Variants in MSRA observed in about 807,000 individuals in gnomAD.
The protein encoded by MSRA is mitochondrial peptide methionine sulfoxide reductase.
Under a neutral mutation model 31.3 loss-of-function variants are expected in MSRA, and 54 were observed. That is an observed-to-expected ratio of 1.73 (90% CI 1.39 to 2.17). The LOEUF is 2.17. MSRA is among the 30% of genes most tolerant of loss of function. The pLI is 0.00. For missense variants in MSRA, 507 were observed against 300.9 expected (o/e 1.69, Z -5.07); for synonymous variants, 169 against 116.5 (o/e 1.45, Z -2.90).
chr8:10,365,635 G>C (rs1399876640), intron 5 of MSRA, among the ~76,000 whole-genome samples: 6 of 152,208 alleles, frequency 3.9e-5, no homozygotes, highest in Admixed American at 1.3e-4. Flanking sequence ...ACTACTTATA[G>C]ACTGAGAACA....
intron 1 of MSRA, among the ~76,000 whole-genome samples, chr8:10,121,335 C>T (rs1159530188): frequency 2.0e-5 from 3 of 152,174 alleles, no homozygotes; most frequent in Admixed American, 6.5e-5. Flanking sequence ...TTGTGGGCAG[C>T]ACTGACCGTG....
At chr8:10,125,246 G>T (rs1801414952) in intron 1 of MSRA, among the ~76,000 whole-genome samples, 1 of 152,216 alleles carries the variant, frequency 6.6e-6, no homozygotes, top group African/African-American at 2.4e-5. Flanking sequence ...TGTACTCTCT[G>T]CTTCCTCTGT....
intron 2 of MSRA, among the ~76,000 whole-genome samples, chr8:10,220,489 C>T (rs192813594): frequency 3.3e-5 from 5 of 152,314 alleles, no homozygotes; most frequent in Admixed American, 2.6e-4. Flanking sequence ...CTTCCAGAAC[C>T]AAGCCTACTC....
At chr8:10,125,512 C>A (rs1256412313) in intron 1 of MSRA, among the ~76,000 whole-genome samples, 1 of 152,196 alleles carries the variant, frequency 6.6e-6, no homozygotes, top group Non-Finnish European at 1.5e-5. Flanking sequence ...CTGGCTGCAA[C>A]TGGACGGAAG....
At chr8:10,083,680 G>A (rs1438360826) in intron 1 of MSRA, among the ~76,000 whole-genome samples, 1 of 152,102 alleles carries the variant, frequency 6.6e-6, no homozygotes, top group African/African-American at 2.4e-5. Context: ...TTTATTCAAA[G>A]AGGTTTTTTT....
At chr8:10,199,596 T>G (rs1399843664) in intron 1 of MSRA, among the ~76,000 whole-genome samples, 1 of 152,070 alleles carries the variant, frequency 6.6e-6, no homozygotes, top group African/African-American at 2.4e-5. Context: ...AAAAAGGGCT[T>G]GTGGTTGGGG....
At chr8:10,054,692 G>C (rs766350258) in intron 1 of MSRA, 34 bp downstream of exon 1, 3 of 1,484,296 alleles carry the variant, frequency 2.0e-6, no homozygotes, top group South Asian at 1.3e-5. Flanking sequence ...CGCGGGCGGC[G>C]ACGCTGCGCA....
intron 1 of MSRA, among the ~76,000 whole-genome samples, chr8:10,160,328 T>C (rs1253406886): frequency 6.6e-6 from 1 of 151,998 alleles, no homozygotes; most frequent in Non-Finnish European, 1.5e-5. Flanking sequence ...ACTCCGTCTC[T>C]ACTAAAAACA....
intron 4 of MSRA, among the ~76,000 whole-genome samples, chr8:10,303,755 T>A (rs1446386160): frequency 1.3e-5 from 2 of 152,150 alleles, no homozygotes; most frequent in African/African-American, 4.8e-5. Context: ...TAGTTAAGGG[T>A]AGGGCGAGAG....
intron 5 of MSRA, among the ~76,000 whole-genome samples, chr8:10,382,896 C>G (rs1032950982): frequency 2.6e-5 from 4 of 152,222 alleles, no homozygotes; most frequent in Admixed American, 2.6e-4. Flanking sequence ...CACCCTCCAC[C>G]GCCAGCTCCC....
At chr8:10,332,218 C>A (rs1369157120) in intron 5 of MSRA, among the ~76,000 whole-genome samples, 2 of 152,140 alleles carry the variant, frequency 1.3e-5, no homozygotes, top group African/African-American at 4.8e-5. Flanking sequence ...CATCTGAGTA[C>A]CGAAAGACTG....
intron 5 of MSRA, among the ~76,000 whole-genome samples, chr8:10,414,642 G>A (rs1386522939): frequency 2.0e-5 from 3 of 152,226 alleles, no homozygotes; most frequent in East Asian, 3.8e-4. Flanking sequence ...TGAATTCAGT[G>A]CTCTAAGCTT....
At chr8:10,179,089 A>T (rs1257718466) in intron 1 of MSRA, among the ~76,000 whole-genome samples, 1 of 152,158 alleles carries the variant, frequency 6.6e-6, no homozygotes, top group Non-Finnish European at 1.5e-5. Flanking sequence ...AGTTCAGTTC[A>T]CTGATGACTA....
rs78557419 is a variant in MSRA at position 10,222,814 on chromosome 8, A to G, written c.211+14913A>G. ...CGAACTCATCAAAGCAGAGAGTACA[A>G]TGATGGTTACCAGGGGCTGGAGAGA... is the stretch of plus-strand genomic sequence containing the variant. On this transcript the variant is annotated intron_variant, in intron 2 of 5. Coordinates refer to ENST00000317173, the MANE Select transcript of MSRA (RefSeq NM_012331.5). Among the ~76,000 whole-genome samples, 257 of 152,336 alleles carry G rather than the reference A, an allele frequency of 1.7e-3. 1 individual carries two copies. The highest frequency in any genetic ancestry group is 5.9e-3 in the African/African-American group (246 of 41,590).
chr8:10,238,384 C>T (rs1351002895), intron 2 of MSRA, among the ~76,000 whole-genome samples: 2 of 152,174 alleles, frequency 1.3e-5, no homozygotes. Context: ...ATGTCATCTA[C>T]CTAGGATTTT....
chr8:10,184,697 T>G (rs191557500), intron 1 of MSRA, among the ~76,000 whole-genome samples: 1 of 152,288 alleles, frequency 6.6e-6, no homozygotes, highest in African/African-American at 2.4e-5. Context: ...CTTAACAACT[T>G]GTGTAGACAG....
At chr8:10,407,463 C>G (rs1807889569) in intron 5 of MSRA, among the ~76,000 whole-genome samples, 1 of 152,160 alleles carries the variant, frequency 6.6e-6, no homozygotes, top group South Asian at 2.1e-4. Flanking sequence ...AACTGTCAAG[C>G]TTTGCTTTAC....
intron 5 of MSRA, among the ~76,000 whole-genome samples, chr8:10,378,918 C>A (rs1012707152): frequency 2.0e-5 from 3 of 152,194 alleles, no homozygotes; most frequent in African/African-American, 7.2e-5. Context: ...AATAAAAGAG[C>A]CCTTAAAAAT....
rs12545775 is a variant in MSRA at position 10,128,398 on chromosome 8, T to C, written c.142+73740T>C. 3.4e-4 allele frequency among the ~76,000 whole-genome samples: 51 copies of C among 151,978 alleles called. 1 individual carries two copies. The South Asian group carries it at 0.01, about 31-fold the overall frequency. On this transcript the variant is annotated intron_variant, in intron 1 of 5. Coordinates refer to ENST00000317173, the MANE Select transcript of MSRA (RefSeq NM_012331.5). ...CTTGTCTCAAAAAAAAAAAAAATTC[T>C]GTCTAAATTCCAGTGATGATCAGAT...
Sources: gnomAD v4.1 joint callset for allele counts (sites outside exome capture counted in the v4.1 genomes callset) on GRCh38, gnomAD v4.1.1 for gene constraint, MANE v1.5 for transcripts, NCBI Gene and HGNC (gene_info 2026-07-23, HGNC 2026-07-21) for gene names.